TRPM1: variants seen among roughly 807,000 people sequenced by gnomAD.
The protein encoded by TRPM1 is TRPM1-203 APA Isoform, Intron 10.
In TRPM1, 113 loss-of-function variants were observed where a neutral mutation model predicts 149.4. The ratio of observed to expected loss-of-function variants is 0.76; its 90% CI spans 0.65 to 0.88. The LOEUF is 0.88. Among genes scored for constraint, TRPM1 ranks in the 40% least tolerant of loss-of-function variants. The probability of loss-of-function intolerance (pLI) is 0.00; values close to 1 mark genes in which losing one functional copy is unlikely to be tolerated. For missense variants in TRPM1, 1,976 were observed against 2,038.7 expected, an observed-to-expected ratio of 0.97 and a Z score of 0.59; for synonymous variants, 741 against 759.5, an observed-to-expected ratio of 0.98 and a Z score of 0.40.
At chr15:31,024,799 T>C (rs1163600984) in intron 27 of TRPM1, among the ~76,000 whole-genome samples, 3 of 152,234 alleles carry the variant, frequency 2.0e-5, no homozygotes, top group Non-Finnish European at 2.9e-5. Context: ...CATGAAGAAA[T>C]AATTTTTATA....
intron 13 of TRPM1, among the ~76,000 whole-genome samples, chr15:31,048,875 T>TA (rs2033857204): frequency 6.6e-6 from 1 of 152,168 alleles, no homozygotes; most frequent in Non-Finnish European, 1.5e-5. Flanking sequence ...TTCTGCTACT[T>TA]AAAATCTTAC....
exon 1 of TRPM1, chr15:31,161,080 C>T (rs962034824): frequency 2.0e-6 from 2 of 1,015,326 alleles, no homozygotes; most frequent in African/African-American, 3.2e-5. Context: ...CAGCCCCACA[C>T]TCGGCGGCAG....
rs184188043 is a variant in TRPM1 at position 31,019,197 on chromosome 15, C to T, written c.3629+6942G>A. Among the ~76,000 whole-genome samples the T allele has an allele frequency of 2.6e-5, 4 of 152,322 alleles. No homozygotes were observed. The East Asian group carries it at 7.7e-4, about 29-fold the overall frequency. On this transcript the variant is annotated intron_variant, in intron 27 of 27. Transcript: ENST00000256552. ...ACCCTATAATTTAATTCCAGAACTACTGATCATAAAGTTGTCTTATCCACT... is the reference window on the plus strand; with the variant it reads ...ACCCTATAATTTAATTCCAGAACTATTGATCATAAAGTTGTCTTATCCACT...
intron 1 of TRPM1, among the ~76,000 whole-genome samples, chr15:31,088,855 C>T (rs1043645132): frequency 9.0e-6 from 1 of 111,540 alleles, no homozygotes; most frequent in Non-Finnish European, 1.9e-5. Flanking sequence ...ATAAGCCCTG[C>T]TGCGGGTATT....
At chr15:31,105,476 C>CGT (rs2035593420), upstream of TRPM1, among the ~76,000 whole-genome samples, 3 of 142,948 alleles carry the variant, frequency 2.1e-5, no homozygotes, top group African/African-American at 5.8e-5. Flanking sequence ...TGTGTGTGCG[C>CGT]GCGCGCGCGC....
chr15:31,007,317 C>G (rs1382902222), intron 27 of TRPM1, among the ~76,000 whole-genome samples: 1 of 152,126 alleles, frequency 6.6e-6, no homozygotes, highest in Non-Finnish European at 1.5e-5. Flanking sequence ...TTGGGTAGAT[C>G]TACTCCCGGA....
intron 27 of TRPM1, among the ~76,000 whole-genome samples, chr15:31,018,724 G>A (rs1288764658): frequency 6.6e-6 from 1 of 152,156 alleles, no homozygotes; most frequent in South Asian, 2.1e-4. Context: ...GGAGTGCAGG[G>A]GTGCAATCTT....
At chr15:31,127,879 C>T (rs889101490) in intron 1 of TRPM1, among the ~76,000 whole-genome samples, 3 of 152,136 alleles carry the variant, frequency 2.0e-5, no homozygotes, top group Non-Finnish European at 2.9e-5. Context: ...AGTGTTAAAG[C>T]GATGCCAAGG....
In TRPM1 at chr15:31,067,131, G is replaced by A. The variant is rs780515306; in HGVS notation, c.550C>T (p.Arg184Trp). The change falls in exon 6 of 28, where the codon CGG (arginine) becomes TGG (tryptophan). Residue 184 changes from arginine to tryptophan, a missense_variant. By Grantham distance (101) the Arg-to-Trp change is moderately radical (BLOSUM62 -3). This residue lies in a region of TRPM1 where 1,332 missense variants were observed against 1,347.1 expected (regional missense o/e 0.99). Coordinates refer to ENST00000256552, the MANE Select transcript of TRPM1 (RefSeq NM_001252024.2). ...GGAGCAATTCCTATAGCACAAACCC[G>A]GCCTCTGGACTTGGAGGAGTGGTCT... ...LKDHSSKSRGRVCAIGIAPWG... is the reference protein window; with the variant it reads ...LKDHSSKSRGWVCAIGIAPWG... The A allele has an allele frequency of 9.3e-6, 15 of 1,613,904 alleles. No homozygotes were observed. The highest frequency in any genetic ancestry group is 8.3e-5 in the Admixed American group (5 of 59,972).
chr15:31,115,762 T>C (rs2141029178), intron 1 of TRPM1, among the ~76,000 whole-genome samples: 1 of 151,504 alleles, frequency 6.6e-6, no homozygotes, highest in African/African-American at 2.4e-5. Context: ...GAAACTACAT[T>C]ATCAGAGCCT....
chr15:31,089,004 A>G (rs1056109685), intron 1 of TRPM1, among the ~76,000 whole-genome samples: 2 of 152,190 alleles, frequency 1.3e-5, no homozygotes, highest in Non-Finnish European at 2.9e-5. Flanking sequence ...TTCTAGATTT[A>G]GGGTGAGGCA....
intron 6 of TRPM1, among the ~76,000 whole-genome samples, 169 bp downstream of exon 6, chr15:31,066,894 C>T (rs547125238): frequency 4.6e-5 from 7 of 152,206 alleles, no homozygotes; most frequent in Admixed American, 2.6e-4. Context: ...TGACAGTATC[C>T]GGGTTGTGAT....
At chr15:31,129,121 G>A (rs1377988759) in intron 1 of TRPM1, among the ~76,000 whole-genome samples, 1 of 152,218 alleles carries the variant, frequency 6.6e-6, no homozygotes, top group African/African-American at 2.4e-5. Context: ...GGAGCTTCGT[G>A]TAGCGCTGTT....
At chr15:31,031,205 A>G in intron 22 of TRPM1, 48 bp from the exon 23 acceptor site, 3 of 1,607,376 alleles carry the variant, frequency 1.9e-6, no homozygotes, top group Non-Finnish European at 2.6e-6. Flanking sequence ...TTGTGGGCCA[A>G]GTTCACCCTG....
intron 3 of TRPM1, among the ~76,000 whole-genome samples, chr15:31,071,963 C>CA (rs71790815): frequency 0.32 from 8,979 of 28,006 alleles, 764 homozygotes; most frequent in East Asian, 0.54. Context: ...GACTCCGTCT[C>CA]AAAAAAAAAA....
intron 27 of TRPM1, among the ~76,000 whole-genome samples, chr15:31,014,820 C>T (rs964450222): frequency 6.6e-6 from 1 of 152,200 alleles, no homozygotes; most frequent in Non-Finnish European, 1.5e-5. Flanking sequence ...AGTTCCCCCT[C>T]TCACTATCTC....
At chr15:31,113,144 C>T (rs888931455) in intron 1 of TRPM1, among the ~76,000 whole-genome samples, 26 of 152,164 alleles carry the variant, frequency 1.7e-4, no homozygotes, top group African/African-American at 6.0e-4. Context: ...ACTGTGTCTT[C>T]TGCCTGAATC....
intron 1 of TRPM1, among the ~76,000 whole-genome samples, chr15:31,136,833 C>A (rs2036095735): frequency 6.7e-6 from 1 of 148,916 alleles, no homozygotes; most frequent in East Asian, 2.0e-4. Context: ...TAAAGTATTG[C>A]CCAATTCTAG....
At chr15:31,089,265 T>G (rs1468166600) in intron 1 of TRPM1, among the ~76,000 whole-genome samples, 1 of 150,596 alleles carries the variant, frequency 6.6e-6, no homozygotes, top group Non-Finnish European at 1.5e-5. Flanking sequence ...TTCTGAGGGT[T>G]GGCAATGGTG....
Sources: gnomAD v4.1 joint callset for allele counts (sites outside exome capture counted in the v4.1 genomes callset) on GRCh38, gnomAD v4.1.1 for gene constraint, gnomAD v4.1.1 regional missense constraint, MANE v1.5 for transcripts, NCBI Gene and HGNC (gene_info 2026-07-23, HGNC 2026-07-21) for gene names.